Variants in NBAS observed in about 807,000 individuals in gnomAD.
NBAS encodes the protein NBAS subunit of NRZ tethering complex.
A neutral mutation model predicts 302.5 loss-of-function variants in NBAS; 219 were observed. The ratio of observed to expected loss-of-function variants is 0.72; its 90% confidence interval spans 0.65 to 0.81. The LOEUF is 0.81. Ranked by LOEUF, NBAS falls within the 30% of genes least tolerant of loss-of-function variation. NBAS has a pLI of 0.00. For synonymous variants in NBAS, 1,118 were observed against 1,021.6 expected (o/e 1.09, Z -1.80); for missense variants, 2,932 against 2,841.6 (o/e 1.03, Z -0.72).
In NBAS at chr2:15,268,484, T is replaced by C. The variant is rs546763675; in HGVS notation, c.5724+7000A>G. ...TATTGATCACATGATAAAATGGTAA[T>C]ACTTAGGACAATTTTACCTAATTTG... On this transcript the variant is annotated intron_variant, in intron 44 of 51. Transcript: ENST00000281513. 1.4e-4 allele frequency among the ~76,000 whole-genome samples: 22 copies of C among 152,290 alleles called. 2 individuals carry two copies. In the South Asian group the frequency reaches 4.6e-3, roughly 32 times the overall value.
intron 11 of NBAS, among the ~76,000 whole-genome samples, chr2:15,493,709 C>G (rs973386506): frequency 1.3e-5 from 2 of 151,552 alleles, no homozygotes; most frequent in Admixed American, 6.6e-5. Flanking sequence ...ACATTTAAAC[C>G]ATGATTCTTC....
chr2:15,276,525 T>C (rs967412394), intron 43 of NBAS, among the ~76,000 whole-genome samples: 1 of 152,222 alleles, frequency 6.6e-6, no homozygotes, highest in African/African-American at 2.4e-5. Context: ...ATAAAGTGTC[T>C]TGGCCTTGCC....
intron 51 of NBAS, 135 bp downstream of exon 51, chr2:15,178,853 T>C (rs1189934169): frequency 9.5e-6 from 12 of 1,256,784 alleles, no homozygotes; most frequent in East Asian, 2.6e-5. Context: ...GGAACAGCTA[T>C]TGTGGTCAGA....
At chr2:14,957,814 C>A in the NBAS span, among the ~76,000 whole-genome samples, 11 of 152,308 alleles carry the variant, frequency 7.2e-5, no homozygotes, top group East Asian at 2.1e-3. Flanking sequence ...TTCCCAGCTG[C>A]CATTTGCTGA....
chr2:14,999,061 C>A, the NBAS span, among the ~76,000 whole-genome samples: 2 of 152,290 alleles, frequency 1.3e-5, no homozygotes, highest in South Asian at 4.2e-4. Flanking sequence ...CTCTAAAAGT[C>A]TCTTCACCTT....
At chr2:14,948,737 A>AG in the NBAS span, among the ~76,000 whole-genome samples, 1 of 151,814 alleles carries the variant, frequency 6.6e-6, no homozygotes. Flanking sequence ...AATAGAAAAA[A>AG]AAATCTTAAA....
intron 41 of NBAS, among the ~76,000 whole-genome samples, chr2:15,292,264 C>T (rs1341897088): frequency 1.3e-5 from 2 of 152,190 alleles, no homozygotes; most frequent in Non-Finnish European, 2.9e-5. Flanking sequence ...GGATTACAGG[C>T]ATGAGCCACC....
chr2:15,465,105 A>T (rs150805363), intron 19 of NBAS, among the ~76,000 whole-genome samples: 1 of 152,342 alleles, frequency 6.6e-6, no homozygotes, highest in African/African-American at 2.4e-5. Flanking sequence ...CCTCAAAAAA[A>T]TGTGTTGGTA....
chr2:15,473,106 C>T, intron 16 of NBAS, 116 bp downstream of exon 16: 2 of 1,178,064 alleles, frequency 1.7e-6, no homozygotes, highest in Non-Finnish European at 2.4e-6. Context: ...AATTGTACTT[C>T]ATTGGCTGTA....
the NBAS span, among the ~76,000 whole-genome samples, chr2:15,010,260 T>C: frequency 5.9e-5 from 9 of 152,070 alleles, no homozygotes; most frequent in Non-Finnish European, 1.3e-4. Context: ...TTGGACCAGA[T>C]GATATGAAAG....
chr2:15,370,908 C>G (rs964808258), intron 31 of NBAS, among the ~76,000 whole-genome samples: 1 of 152,156 alleles, frequency 6.6e-6, no homozygotes, highest in African/African-American at 2.4e-5. Flanking sequence ...TGAGTTAAGA[C>G]TTTGGGGGAC....
chr2:15,187,025 A>G, intron 49 of NBAS, 145 bp from the exon 50 acceptor site: 1 of 1,216,186 alleles, frequency 8.2e-7, no homozygotes, highest in Non-Finnish European at 1.2e-6. Context: ...CTTGTAGAAA[A>G]GATAACACCT....
At chr2:15,283,170 T>A (rs1189683708) in intron 42 of NBAS, among the ~76,000 whole-genome samples, 1 of 152,202 alleles carries the variant, frequency 6.6e-6, no homozygotes, top group Admixed American at 6.5e-5. Flanking sequence ...TAATATTTGA[T>A]GAATAAATGT....
chr2:14,845,879 G>C, the NBAS span, among the ~76,000 whole-genome samples: 1 of 151,160 alleles, frequency 6.6e-6, no homozygotes, highest in Admixed American at 6.6e-5. Context: ...AAAGAAAAAA[G>C]AATAAAAAAC....
In NBAS at chr2:15,286,953, C is replaced by T. The variant is rs191299219; in HGVS notation, c.5138+120G>A. The T allele has an allele frequency of 1.1e-5, 8 of 753,896 alleles. No individual in the cohort carries two copies. In the African/African-American group the frequency reaches 1.4e-4, roughly 13 times the overall value. The allele number at this position is 753,896 out of a possible 1,614,324, so 46.7% of individuals were successfully genotyped here. On this transcript the variant is annotated intron_variant, in intron 42 of 51. Coordinates refer to ENST00000281513, the MANE Select transcript of NBAS (RefSeq NM_015909.4). ...TATAAGGAAAGAACTTACCAAGACA[C>T]TAGTCCACTGTAGATTAAAGGAAAA...
At chr2:15,053,058 C>A in the NBAS span, among the ~76,000 whole-genome samples, 2 of 152,036 alleles carry the variant, frequency 1.3e-5, no homozygotes, top group African/African-American at 4.8e-5. Context: ...TCTTACATTC[C>A]TGTGCATGCA....
At chr2:14,928,092 G>GT in the NBAS span, among the ~76,000 whole-genome samples, 2 of 152,210 alleles carry the variant, frequency 1.3e-5, no homozygotes, top group East Asian at 3.9e-4. Context: ...CTACTTGTTA[G>GT]TTTTGTAAGT....
At chr2:14,967,267 G>T in the NBAS span, among the ~76,000 whole-genome samples, 1 of 151,796 alleles carries the variant, frequency 6.6e-6, no homozygotes, top group African/African-American at 2.4e-5. Context: ...CAAACTACTA[G>T]CAGAATTTTT....
rs1194315187 is a variant in NBAS at position 15,292,738 on chromosome 2, A to C, written c.4826T>G (p.Val1609Gly). The C allele has an allele frequency of 6.2e-7, 1 of 1,614,208 alleles. No individual in the cohort carries two copies. Among genetic ancestry groups the C allele is most frequent in the Admixed American group, 1.7e-5 (1 of 60,032 alleles). Residue 1609 changes from valine (V) to glycine (G), a missense_variant, in exon 41 of 52, where the codon GTC becomes GGC. Physicochemically the swap from Val to Gly is moderately radical, Grantham distance 109. Coordinates refer to ENST00000281513, the MANE Select transcript of NBAS (RefSeq NM_015909.4). ...CTCATGTCGAGTCACATGCCTGGTGACCATCTTGATTAGTTCTTTGGGATC... is the reference window on the plus strand; with the variant it reads ...CTCATGTCGAGTCACATGCCTGGTGCCCATCTTGATTAGTTCTTTGGGATC... ...RADPKELIKM[V>G]TRHVTRHEHE...
Sources: gnomAD v4.1 joint callset for allele counts (sites outside exome capture counted in the v4.1 genomes callset) on GRCh38, gnomAD v4.1.1 for gene constraint, MANE v1.5 for transcripts, NCBI Gene and HGNC (gene_info 2026-07-23, HGNC 2026-07-21) for gene names.